SHANK2: variants seen among roughly 807,000 people sequenced by gnomAD.
SHANK2 encodes the protein SH3 and multiple ankyrin repeat domains 2, also known as SH3 and multiple ankyrin repeat domains protein 2.
In SHANK2, 43 loss-of-function variants were observed where a neutral mutation model predicts 133.7. That is an observed-to-expected ratio of 0.32 (90% CI 0.25 to 0.41). The LOEUF (loss-of-function observed/expected upper bound fraction) is 0.41. Ranked by LOEUF, SHANK2 falls within the 10% of genes least tolerant of loss-of-function variation. The pLI is 1.00. For synonymous variants in SHANK2, 1,017 were observed against 952.8 expected (o/e 1.07, Z -1.24); for missense variants, 1,994 against 2,235.8 (o/e 0.89, Z 2.18).
At chr11:71,122,530 G>A (rs1414491507) in intron 3 of SHANK2, among the ~76,000 whole-genome samples, 1 of 152,102 alleles carries the variant, frequency 6.6e-6, no homozygotes, top group Non-Finnish European at 1.5e-5. Flanking sequence ...AAAGCATTAC[G>A]AGAAATACCT....
chr11:70,712,094 T>C (rs1945798590), intron 14 of SHANK2, among the ~76,000 whole-genome samples: 1 of 152,054 alleles, frequency 6.6e-6, no homozygotes, highest in South Asian at 2.1e-4. Context: ...GCTCCTGGAG[T>C]GTGGGGGATC....
chr11:70,657,277 A>G (rs1555011859), intron 17 of SHANK2, among the ~76,000 whole-genome samples: 3 of 152,200 alleles, frequency 2.0e-5, no homozygotes, highest in Non-Finnish European at 4.4e-5. Context: ...TGACTCCAGG[A>G]CTGGCTGCTC....
At chr11:70,843,093 G>C (rs1410166774) in intron 11 of SHANK2, among the ~76,000 whole-genome samples, 3 of 152,174 alleles carry the variant, frequency 2.0e-5, no homozygotes, top group Non-Finnish European at 4.4e-5. Context: ...GGAAGGCTGG[G>C]GTGTGAGCCC....
At chr11:70,742,278 G>C (rs144626542) in intron 14 of SHANK2, among the ~76,000 whole-genome samples, 1 of 152,034 alleles carries the variant, frequency 6.6e-6, no homozygotes, top group African/African-American at 2.4e-5. Flanking sequence ...CAAAACCCAG[G>C]TGGACTGTTG....
chr11:70,781,587 CTTAT>C (rs370684126), intron 14 of SHANK2, among the ~76,000 whole-genome samples: 46 of 17,984 alleles, frequency 2.6e-3, no homozygotes, highest in African/African-American at 6.1e-3. Flanking sequence ...TATATATTTA[CTTAT>C]TTATTTATTA....
chr11:70,644,304 C>T (rs1319986312), intron 17 of SHANK2, among the ~76,000 whole-genome samples: 1 of 152,174 alleles, frequency 6.6e-6, no homozygotes, highest in Non-Finnish European at 1.5e-5. Flanking sequence ...GAAACTCTGT[C>T]CCCATTACAC....
At position 71,085,457 on chromosome 11, in the gene SHANK2, A is replaced by AATAT. The variant is rs1314983942; in HGVS notation, c.912+6961_912+6964dup. Among the ~76,000 whole-genome samples, 466 of 126,582 alleles carry AATAT rather than the reference A, an allele frequency of 3.7e-3. 2 individuals are homozygous for AATAT. The highest frequency in any genetic ancestry group is 0.014 in the African/African-American group (449 of 32,676). 83.0% of individuals were successfully genotyped at this position (126,582 alleles called of 152,430 possible). On this transcript the variant is annotated intron_variant, in intron 8 of 25. Coordinates refer to ENST00000601538, the MANE Select transcript of SHANK2 (RefSeq NM_012309.5). ...GGCAACAGAGCAAGACTCCATCTTA[A>AATAT]ATATATATATATATATAATATATAT...
chr11:70,844,252 C>T (rs1016971421), intron 11 of SHANK2, among the ~76,000 whole-genome samples: 7 of 152,188 alleles, frequency 4.6e-5, no homozygotes, highest in African/African-American at 1.7e-4. Flanking sequence ...CTAATGAATG[C>T]CCCATTTTCC....
chr11:71,172,387 C>T (rs1953333059), intron 2 of SHANK2, among the ~76,000 whole-genome samples: 1 of 152,016 alleles, frequency 6.6e-6, no homozygotes, highest in Non-Finnish European at 1.5e-5. Context: ...ATCACAAGGT[C>T]AGGAGTTCGA....
At chr11:71,134,757 T>C (rs1952405903) in intron 3 of SHANK2, among the ~76,000 whole-genome samples, 1 of 152,022 alleles carries the variant, frequency 6.6e-6, no homozygotes, top group Admixed American at 6.6e-5. Flanking sequence ...GCCTCACATC[T>C]TAAACCCTCT....
chr11:71,209,970 G>A (rs553448234), intron 2 of SHANK2, among the ~76,000 whole-genome samples: 32 of 150,922 alleles, frequency 2.1e-4, no homozygotes, highest in South Asian at 2.1e-4. Flanking sequence ...CCGAGGATTC[G>A]ACACAGGACG....
intron 17 of SHANK2, among the ~76,000 whole-genome samples, chr11:70,596,445 A>T (rs1554989565): frequency 6.6e-6 from 1 of 151,640 alleles, no homozygotes; most frequent in Non-Finnish European, 1.5e-5. Context: ...AGCTCTGAGG[A>T]CCCCCTACCC....
chr11:70,745,808 T>C (rs1403663962), intron 14 of SHANK2, among the ~76,000 whole-genome samples: 1 of 152,186 alleles, frequency 6.6e-6, no homozygotes, highest in Admixed American at 6.5e-5. Context: ...GGGAAACGCA[T>C]TGCTGAGGAT....
chr11:71,105,942 T>C (rs540202518), intron 6 of SHANK2, among the ~76,000 whole-genome samples: 1 of 152,118 alleles, frequency 6.6e-6, no homozygotes, highest in African/African-American at 2.4e-5. Flanking sequence ...GTAAGCTCTG[T>C]ACTTGAGGAT....
intron 15 of SHANK2, among the ~76,000 whole-genome samples, chr11:70,685,934 C>T (rs1013242101): frequency 2.0e-5 from 3 of 152,118 alleles, no homozygotes; most frequent in Non-Finnish European, 2.9e-5. Flanking sequence ...CAGTCAGCCA[C>T]CCACCCACTC....
At chr11:70,668,122 T>G (rs1555015234) in intron 15 of SHANK2, 1 of 152,100 alleles carries the variant, frequency 6.6e-6, no homozygotes, top group Non-Finnish European at 1.5e-5. Flanking sequence ...TCTGGTGTGG[T>G]CAGTTGAATG....
rs1946295765 is a variant in SHANK2 at position 70,731,852 on chromosome 11, GAGCAGCCCTCGTCTC to G, written c.1778-33104_1778-33090del. On this transcript the variant is annotated intron_variant, in intron 14 of 25. Coordinates refer to ENST00000601538, the MANE Select transcript of SHANK2 (RefSeq NM_012309.5). ...CACGCTGCGAGGTGGAACGGCTGAT[GAGCAGCCCTCGTCTC>G]AGCTGACACAGCCGCCTCCTCCTCC... Among the ~76,000 whole-genome samples, 5 of 152,332 alleles carry G rather than the reference GAGCAGCCCTCGTCTC, an allele frequency of 3.3e-5. No homozygotes were observed. In the South Asian group the frequency reaches 1.0e-3, roughly 32 times the overall value.
chr11:71,166,606 C>T (rs1555110909), intron 2 of SHANK2, among the ~76,000 whole-genome samples: 5 of 151,606 alleles, frequency 3.3e-5, no homozygotes, highest in South Asian at 4.2e-4. Context: ...CTCAGCCTCC[C>T]GAGTAGCTGG....
chr11:70,490,068 G>T, intron 23 of SHANK2: 2 of 572,000 alleles, frequency 3.5e-6, no homozygotes, highest in Non-Finnish European at 6.3e-6. Flanking sequence ...CTTCAGGGGG[G>T]ATGAGTTTCA....
Sources: gnomAD v4.1 joint callset for allele counts (sites outside exome capture counted in the v4.1 genomes callset) on GRCh38, gnomAD v4.1.1 for gene constraint, MANE v1.5 for transcripts, NCBI Gene and HGNC (gene_info 2026-07-23, HGNC 2026-07-21) for gene names.